Variants in GALNTL6 observed in about 807,000 individuals in gnomAD.
The protein encoded by GALNTL6 is polypeptide N-acetylgalactosaminyltransferase like 6.
GALNTL6 carries 46 observed loss-of-function variants against 73.7 expected under a neutral mutation model. The ratio of observed to expected loss-of-function variants is 0.62; its 90% confidence interval spans 0.49 to 0.80. The LOEUF is 0.80. Ranked by LOEUF, GALNTL6 falls within the 30% of genes least tolerant of loss-of-function variation. The pLI is 0.00. For synonymous variants in GALNTL6, 259 were observed against 263.7 expected (o/e 0.98, Z 0.17); for missense variants, 604 against 755.0 (o/e 0.80, Z 2.34).
chr4:172,496,674 C>A (rs754348833), intron 5 of GALNTL6, among the ~76,000 whole-genome samples: 1 of 152,020 alleles, frequency 6.6e-6, no homozygotes. Context: ...CAGAGTAAGA[C>A]CTTATCTCAA....
chr4:172,914,155 A>G lies in GALNTL6; in HGVS notation c.1042-17006A>G, dbSNP rs931206692. Among the ~76,000 whole-genome samples the G allele has an allele frequency of 2.6e-5, 4 of 152,234 alleles. No individual in the cohort carries two copies. In the South Asian group the frequency reaches 6.2e-4, roughly 24 times the overall value. The stretch of plus-strand genomic sequence containing the variant: ...TTCATATCCAGCCAAACTAGGCTTC[A>G]TAAGTGAAGGAGAAATAAAAGCCTT... On this transcript the variant is annotated intron_variant, in intron 8 of 12. Coordinates refer to ENST00000506823, the MANE Select transcript of GALNTL6 (RefSeq NM_001034845.3).
At position 172,499,522 on chromosome 4, in the gene GALNTL6, C is replaced by T. The variant is rs917631681; in HGVS notation, c.553+150833C>T. On this transcript the variant is annotated intron_variant, in intron 5 of 12. Transcript: ENST00000506823. ...TGAATTAACTAAAACAAATAAGATC[C>T]AGAGTTTCATAATATAATATCCAAA... Among the ~76,000 whole-genome samples, 12 of 152,236 alleles carry T rather than the reference C, an allele frequency of 7.9e-5. No homozygotes were observed. The East Asian group carries it at 1.4e-3, about 17-fold the overall frequency.
chr4:172,535,736 A>G (rs1735326077), intron 5 of GALNTL6, among the ~76,000 whole-genome samples: 1 of 152,216 alleles, frequency 6.6e-6, no homozygotes, highest in African/African-American at 2.4e-5. Context: ...CTAGGAAAGG[A>G]GTAGCTCAAG....
chr4:171,901,294 T>G (rs765587279), intron 2 of GALNTL6, among the ~76,000 whole-genome samples: 8 of 151,736 alleles, frequency 5.3e-5, no homozygotes, highest in Non-Finnish European at 8.8e-5. Context: ...GGTAAGAAAA[T>G]GATTGAACCA....
chr4:172,956,955 G>A (rs1749780308), intron 10 of GALNTL6, among the ~76,000 whole-genome samples: 1 of 152,186 alleles, frequency 6.6e-6, no homozygotes, highest in Non-Finnish European at 1.5e-5. Context: ...CTGTATAGAG[G>A]TGGGAAGGCC....
At chr4:172,966,660 G>A (rs1750341411) in intron 10 of GALNTL6, among the ~76,000 whole-genome samples, 2 of 152,190 alleles carry the variant, frequency 1.3e-5, no homozygotes, top group African/African-American at 4.8e-5. Flanking sequence ...CCAAAGTGCT[G>A]GGATTACAGG....
chr4:172,216,125 T>G (rs1354326720), intron 2 of GALNTL6, among the ~76,000 whole-genome samples: 1 of 152,180 alleles, frequency 6.6e-6, no homozygotes, highest in Non-Finnish European at 1.5e-5. Flanking sequence ...TCTTCATTTA[T>G]TCATGCTCTT....
chr4:172,862,627 G>A (rs182701756), intron 7 of GALNTL6, among the ~76,000 whole-genome samples: 180 of 152,236 alleles, frequency 1.2e-3, no homozygotes, highest in African/African-American at 4.2e-3. Flanking sequence ...TTGAACCCTG[G>A]AGGTGGAGGT....
chr4:172,696,172 C>G (rs968227548), intron 5 of GALNTL6, among the ~76,000 whole-genome samples: 1 of 152,138 alleles, frequency 6.6e-6, no homozygotes, highest in African/African-American at 2.4e-5. Context: ...CCTAATGTGT[C>G]TCCAATCACT....
chr4:171,944,760 T>C (rs1738652680), intron 2 of GALNTL6, among the ~76,000 whole-genome samples: 1 of 151,946 alleles, frequency 6.6e-6, no homozygotes, highest in South Asian at 2.1e-4. Context: ...ATGTAAGTTA[T>C]AACCAGTTTT....
chr4:172,600,834 G>A (rs992098013), intron 5 of GALNTL6, among the ~76,000 whole-genome samples: 7 of 152,012 alleles, frequency 4.6e-5, no homozygotes, highest in African/African-American at 1.7e-4. Context: ...CTAAATACTG[G>A]CCATAACAAA....
chr4:172,493,095 C>G (rs1733952185), intron 5 of GALNTL6, among the ~76,000 whole-genome samples: 1 of 152,128 alleles, frequency 6.6e-6, no homozygotes, highest in Non-Finnish European at 1.5e-5. Context: ...AAGAGAACAT[C>G]AAATACACTA....
At chr4:172,955,732 T>C (rs1004155889) in intron 10 of GALNTL6, among the ~76,000 whole-genome samples, 1 of 151,742 alleles carries the variant, frequency 6.6e-6, no homozygotes, top group African/African-American at 2.4e-5. Flanking sequence ...TTCACCTGAG[T>C]GCAAGTGGGC....
intron 2 of GALNTL6, among the ~76,000 whole-genome samples, chr4:172,067,079 C>T (rs1291957113): frequency 6.6e-6 from 1 of 151,608 alleles, no homozygotes; most frequent in Non-Finnish European, 1.5e-5. Context: ...GTTCTTATTC[C>T]ACCTTTTCTG....
chr4:172,139,019 C>T (rs1375617019), intron 2 of GALNTL6, among the ~76,000 whole-genome samples: 3 of 151,890 alleles, frequency 2.0e-5, no homozygotes, highest in South Asian at 2.1e-4. Context: ...ATAGATCAAT[C>T]GATCAGCAAT....
At chr4:172,847,193 G>A (rs978162111) in intron 7 of GALNTL6, among the ~76,000 whole-genome samples, 1 of 152,052 alleles carries the variant, frequency 6.6e-6, no homozygotes, top group Non-Finnish European at 1.5e-5. Flanking sequence ...CAATTTCAGG[G>A]GTAAACGTGG....
chr4:172,738,507 C>T (rs774709182), intron 5 of GALNTL6, among the ~76,000 whole-genome samples: 5 of 152,170 alleles, frequency 3.3e-5, no homozygotes, highest in Non-Finnish European at 7.3e-5. Flanking sequence ...TTCCCCTATA[C>T]TCTACTCAAA....
At chr4:172,903,409 A>G (rs1746727036) in intron 8 of GALNTL6, among the ~76,000 whole-genome samples, 1 of 152,194 alleles carries the variant, frequency 6.6e-6, no homozygotes, top group Admixed American at 6.5e-5. Context: ...GTAAGTCCAT[A>G]TAACATGCAA....
chr4:172,707,306 G>A (rs142151857), intron 5 of GALNTL6, among the ~76,000 whole-genome samples: 20 of 152,256 alleles, frequency 1.3e-4, no homozygotes, highest in Non-Finnish European at 2.9e-4. Context: ...TGCCAAGTAG[G>A]CATGTAGTGT....
Sources: allele counts gnomAD v4.1 joint callset (sites outside exome capture counted in the v4.1 genomes callset), GRCh38; gene constraint gnomAD v4.1.1; transcripts MANE v1.5; gene names NCBI Gene and HGNC (gene_info 2026-07-23, HGNC 2026-07-21).